The following TRMT11 variants were observed in gnomAD, a reference collection of about 807,000 sequenced individuals.
TRMT11 encodes tRNA (guanine(10)-N(2))-methyltransferase TRMT11.
Under a neutral mutation model 62.8 loss-of-function variants are expected in TRMT11, and 53 were observed. The observed-to-expected ratio is 0.84, with a 90% CI of 0.68 to 1.06. The LOEUF (loss-of-function observed/expected upper bound fraction) is 1.06. TRMT11 is among the 50% of genes least tolerant of loss of function. The pLI is 0.00. For missense variants in TRMT11, 556 were observed against 553.4 expected, an observed-to-expected ratio of 1.00 and a Z score of -0.05; for synonymous variants, 188 against 190.3, an observed-to-expected ratio of 0.99 and a Z score of 0.10.
intron 21 of TRMT11, among the ~76,000 whole-genome samples, chr6:126,158,646 T>C (rs1041100578): frequency 2.6e-5 from 4 of 152,210 alleles, no homozygotes; most frequent in African/African-American, 9.7e-5. Flanking sequence ...ACTGTATTTA[T>C]TTTTTACATT....
intron 17 of TRMT11, among the ~76,000 whole-genome samples, chr6:126,109,081 AT>A (rs1334149455): frequency 6.6e-6 from 1 of 152,136 alleles, no homozygotes; most frequent in Non-Finnish European, 1.5e-5. Context: ...TTTATGAATC[AT>A]TTGAGAATAA....
In TRMT11 at chr6:126,105,872, T is replaced by G. The variant is rs573142572; in HGVS notation, c.*1438-6994T>G. ...AAACCAGGGGCTGTGTATTTAACTTTGAGGCCCTGGCTCCCAGTACAGAGA... is the reference window on the plus strand; with the variant it reads ...AAACCAGGGGCTGTGTATTTAACTTGGAGGCCCTGGCTCCCAGTACAGAGA... On this transcript the variant is annotated intron_variant and NMD_transcript_variant, in intron 17 of 22. Transcript: ENST00000648977. Among the ~76,000 whole-genome samples the G allele has an allele frequency of 2.2e-4, 33 of 152,292 alleles. No homozygotes were observed. The South Asian group carries it at 6.6e-3, about 31-fold the overall frequency.
At chr6:126,021,082 A>G (rs1562274904) in intron 11 of TRMT11, 78 bp from the exon 12 acceptor site, 2 of 1,547,256 alleles carry the variant, frequency 1.3e-6, no homozygotes, top group Non-Finnish European at 1.8e-6. Context: ...AACATCCCAC[A>G]CTACACTGGA....
chr6:126,050,103 C>T (rs942344253), intron 16 of TRMT11, among the ~76,000 whole-genome samples: 2 of 151,962 alleles, frequency 1.3e-5, no homozygotes, highest in Non-Finnish European at 2.9e-5. Flanking sequence ...TGGAGGTGAG[C>T]ACATCACTTG....
the TRMT11 span, among the ~76,000 whole-genome samples, chr6:126,271,310 G>A: frequency 7.8e-6 from 1 of 127,708 alleles, no homozygotes; most frequent in Non-Finnish European, 1.5e-5. Context: ...GTTGCAGTGA[G>A]CCAAAATGGT....
intron 21 of TRMT11, among the ~76,000 whole-genome samples, chr6:126,153,866 CAT>C (rs1205634431): frequency 6.6e-6 from 1 of 152,096 alleles, no homozygotes; most frequent in Non-Finnish European, 1.5e-5. Flanking sequence ...GATTGTTAAC[CAT>C]GTGTGTGGGT....
chr6:126,055,945 C>A, intron 17 of TRMT11, among the ~76,000 whole-genome samples: 1 of 152,260 alleles, frequency 6.6e-6, no homozygotes, highest in Middle Eastern at 3.4e-3. Context: ...CTCTGAGACA[C>A]CCAGCTCCCT....
the TRMT11 span, among the ~76,000 whole-genome samples, chr6:126,215,534 A>G: frequency 1.3e-5 from 2 of 151,928 alleles, no homozygotes; most frequent in Non-Finnish European, 2.9e-5. Context: ...TTCTATTTGC[A>G]TAGAAGATCT....
the TRMT11 span, among the ~76,000 whole-genome samples, chr6:126,240,756 G>T: frequency 1.3e-5 from 2 of 152,240 alleles, no homozygotes; most frequent in African/African-American, 4.8e-5. Flanking sequence ...AGACATTTAA[G>T]TCTGCAGAGG....
At chr6:126,217,836 C>T in the TRMT11 span, among the ~76,000 whole-genome samples, 8 of 152,098 alleles carry the variant, frequency 5.3e-5, no homozygotes, top group African/African-American at 1.9e-4. Context: ...CCTTTCAGGG[C>T]GGCAATTTTC....
chr6:125,988,849 T>C lies in TRMT11; in HGVS notation c.72+2227T>C, dbSNP rs147812383. Among the ~76,000 whole-genome samples the C allele has an allele frequency of 7.2e-3, 1,104 of 152,296 alleles. 7 individuals are homozygous for C. The highest frequency in any genetic ancestry group is 0.012 in the Non-Finnish European group (811 of 68,018). ...TGGCCTTAGGAGTCATGAAGGAAGATTGTGGCATTGATGCAGTATTAATGT... is the reference window on the plus strand; with the variant it reads ...TGGCCTTAGGAGTCATGAAGGAAGACTGTGGCATTGATGCAGTATTAATGT... On this transcript the variant is annotated intron_variant, in intron 1 of 12. Transcript: ENST00000334379.
intron 17 of TRMT11, among the ~76,000 whole-genome samples, chr6:126,074,114 C>T (rs1395502275): frequency 6.6e-6 from 1 of 152,114 alleles, no homozygotes; most frequent in African/African-American, 2.4e-5. Flanking sequence ...GGGGCGTAGC[C>T]AAACCATATC....
intron 2 of TRMT11, among the ~76,000 whole-genome samples, chr6:125,995,161 C>G (rs751546922): frequency 1.3e-5 from 2 of 152,102 alleles, no homozygotes; most frequent in Non-Finnish European, 2.9e-5. Context: ...AAGAAAAAAG[C>G]TAGGTGTGAC....
intron 21 of TRMT11, among the ~76,000 whole-genome samples, chr6:126,141,511 T>G (rs1468137591): frequency 6.6e-6 from 1 of 152,094 alleles, no homozygotes; most frequent in African/African-American, 2.4e-5. Flanking sequence ...AAATTAAAAT[T>G]GACAGAAAGA....
At chr6:126,139,952 G>A (rs968680993) in intron 21 of TRMT11, among the ~76,000 whole-genome samples, 27 of 152,018 alleles carry the variant, frequency 1.8e-4, no homozygotes, top group Non-Finnish European at 2.9e-5. Flanking sequence ...TGGTGCAGAA[G>A]TGCTGGATAG....
chr6:126,107,272 A>G (rs1228572448), intron 17 of TRMT11, among the ~76,000 whole-genome samples: 3 of 152,194 alleles, frequency 2.0e-5, no homozygotes, highest in Admixed American at 6.5e-5. Context: ...GACTTTGCCT[A>G]TGTGCAATTA....
At chr6:126,193,603 C>T (rs1778630868) in intron 1 of TRMT11, among the ~76,000 whole-genome samples, 1 of 150,222 alleles carries the variant, frequency 6.7e-6, no homozygotes, top group Non-Finnish European at 1.5e-5. Flanking sequence ...CGCCATTCTC[C>T]TGCCTCAGCC....
chr6:126,215,605 G>GTTTTTTAT, the TRMT11 span, among the ~76,000 whole-genome samples: 1 of 151,826 alleles, frequency 6.6e-6, no homozygotes, highest in East Asian at 1.9e-4. Flanking sequence ...TTTCTTGTAG[G>GTTTTTTAT]CAAGAGATAG....
chr6:126,258,498 C>T, the TRMT11 span: 8 of 212,082 alleles, frequency 3.8e-5, no homozygotes, highest in East Asian at 1.4e-4. Flanking sequence ...CTGCAGCATG[C>T]GGAGCCCCCA....
Sources: gnomAD v4.1 joint callset for allele counts (sites outside exome capture counted in the v4.1 genomes callset) on GRCh38, gnomAD v4.1.1 for gene constraint, MANE v1.5 for transcripts, NCBI Gene and HGNC (gene_info 2026-07-23, HGNC 2026-07-21) for gene names.